Variants in STK4 observed in about 807,000 individuals in gnomAD.
STK4 encodes the protein serine/threonine-protein kinase 4.
Under a neutral mutation model 64.9 loss-of-function variants are expected in STK4, and 30 were observed. The ratio of observed to expected loss-of-function variants is 0.46; its 90% CI spans 0.35 to 0.63. The LOEUF is 0.63. STK4 is among the 20% of genes least tolerant of loss of function. The pLI, the probability that STK4 is intolerant of heterozygous loss-of-function variation, is 0.01. For missense variants in STK4, 466 were observed against 598.5 expected, an observed-to-expected ratio of 0.78 and a Z score of 2.31; for synonymous variants, 177 against 199.0, an observed-to-expected ratio of 0.89 and a Z score of 0.93.
intron 6 of STK4, among the ~76,000 whole-genome samples, chr20:44,995,898 A>G (rs2067721878): frequency 6.6e-6 from 1 of 152,150 alleles, no homozygotes; most frequent in African/African-American, 2.4e-5. Context: ...ACATTTTAAC[A>G]TGTCAACATT....
rs1206600186 is a variant in STK4 at position 45,000,424 on chromosome 20, A to C, written c.864A>C (p.Ser288=). Residue 288 remains serine (S), a synonymous_variant, in exon 8 of 11, where the codon TCA becomes TCC. Transcript: ENST00000372806. The part of the protein sequence containing the change: ...HPFVRSAKGV[S]ILRDLINEAM... ...TTGTCAGGAGTGCCAAAGGAGTGTCAATACTGCGAGACTTAATTAATGAAG... is the reference window on the plus strand; with the variant it reads ...TTGTCAGGAGTGCCAAAGGAGTGTCCATACTGCGAGACTTAATTAATGAAG... 1.2e-6 allele frequency: 2 copies of C among 1,614,084 alleles called. No individual in the cohort carries two copies. Among genetic ancestry groups the C allele is most frequent in the East Asian group, 2.2e-5 (1 of 44,880 alleles).
At chr20:44,977,701 C>T (rs1284274251) in intron 2 of STK4, among the ~76,000 whole-genome samples, 2 of 152,032 alleles carry the variant, frequency 1.3e-5, no homozygotes, top group Non-Finnish European at 2.9e-5. Context: ...GATCTGTAGC[C>T]TCCAAATTGA....
rs187834252 is a variant in STK4, at chr20:44,980,603, A to G, written c.246-1226A>G. On this transcript the variant is annotated intron_variant, in intron 3 of 10. Transcript: ENST00000372806. ...TGTATGTTTTTATTACAAAGTACAT[A>G]TGACTTCTTAGAAAAATTCAAATGA... Among the ~76,000 whole-genome samples the G allele has an allele frequency of 2.6e-5, 4 of 152,366 alleles. No homozygotes were observed. In the East Asian group the frequency reaches 7.7e-4, roughly 29 times the overall value.
chr20:45,048,916 A>G (rs1426006483), intron 10 of STK4, among the ~76,000 whole-genome samples: 1 of 151,572 alleles, frequency 6.6e-6, no homozygotes, highest in African/African-American at 2.4e-5. Context: ...ACACTGATAG[A>G]CCTTTTGTGT....
At chr20:45,021,795 G>C (rs932315675) in intron 9 of STK4, among the ~76,000 whole-genome samples, 3 of 152,194 alleles carry the variant, frequency 2.0e-5, no homozygotes, top group Non-Finnish European at 4.4e-5. Context: ...GCATGTTTTA[G>C]ATGAGAGGCA....
At chr20:44,974,213 A>G (rs2067300203) in intron 2 of STK4, 1 of 151,782 alleles carries the variant, frequency 6.6e-6, no homozygotes, top group South Asian at 2.1e-4. Context: ...CTGCACCTGG[A>G]CAAATTGCGT....
Position 45,022,824 on chromosome 20 carries a change from G to A in STK4, c.1148-2149G>A, listed in dbSNP as rs902419620. Among the ~76,000 whole-genome samples the A allele has an allele frequency of 3.3e-5, 5 of 152,186 alleles. 1 individual carries two copies. The highest frequency in any genetic ancestry group is 1.9e-4 in the East Asian group (1 of 5,186). On this transcript the variant is annotated intron_variant, in intron 9 of 10. Transcript: ENST00000372806. The stretch of plus-strand genomic sequence containing the variant: ...TACCTGTTATTTCTGTCCAGAAGTC[G>A]CCATTTTTATTGATGAACTCAATTT...
At chr20:44,979,341 TA>T (rs987399721) in intron 3 of STK4, among the ~76,000 whole-genome samples, 14 of 152,044 alleles carry the variant, frequency 9.2e-5, no homozygotes, top group Non-Finnish European at 1.8e-4. Flanking sequence ...TCCTTCACAT[TA>T]AAAAAAATTA....
At chr20:44,996,332 C>G (rs553286385) in intron 6 of STK4, among the ~76,000 whole-genome samples, 3 of 149,274 alleles carry the variant, frequency 2.0e-5, no homozygotes, top group Admixed American at 6.6e-5. Flanking sequence ...TTGTAATACA[C>G]CCCCCCGCCA....
chr20:45,052,211 C>G (rs993119016), intron 10 of STK4, among the ~76,000 whole-genome samples: 2 of 152,064 alleles, frequency 1.3e-5, no homozygotes, highest in African/African-American at 4.8e-5. Flanking sequence ...TAAAAACACA[C>G]TCATTATAGA....
intron 4 of STK4, among the ~76,000 whole-genome samples, chr20:44,984,186 GT>G (rs11397664): frequency 1.4e-3 from 104 of 76,064 alleles, no homozygotes; most frequent in African/African-American, 5.0e-3. Context: ...TGTTGTCGTT[GT>G]TTTTTTTTTT....
chr20:45,012,266 C>G (rs146029199), intron 9 of STK4, among the ~76,000 whole-genome samples: 62 of 152,212 alleles, frequency 4.1e-4, no homozygotes, highest in Non-Finnish European at 8.8e-5. Context: ...GATCTCCTGA[C>G]CTCGTGATCC....
At chr20:45,053,114 A>G (rs759560692) in intron 10 of STK4, 1 of 1,612,768 alleles carries the variant, frequency 6.2e-7, no homozygotes, top group Non-Finnish European at 8.5e-7. Context: ...CAGTCTGGAA[A>G]AGACATATGT....
At position 44,997,162 on chromosome 20, in the gene STK4, T is replaced by C; in HGVS notation, c.694-7T>C. ...GATCTTTTTGTTTGTTTGTTTGTTC[T>C]AACCAGGCAATCTTCATGATTCCTA... On this transcript the variant is annotated splice_polypyrimidine_tract_variant and splice_region_variant and intron_variant, in intron 6 of 10. Transcript: ENST00000372806. The C allele has an allele frequency of 6.2e-7, 1 of 1,613,604 alleles. No homozygotes were observed. The highest frequency in any genetic ancestry group is 1.1e-5 in the South Asian group (1 of 91,066).
At chr20:45,061,906 TGCTCTG>T (rs1260588640) in intron 10 of STK4, among the ~76,000 whole-genome samples, 2 of 147,712 alleles carry the variant, frequency 1.4e-5, no homozygotes, top group Non-Finnish European at 3.0e-5. Context: ...GATGGAGTCT[TGCTCTG>T]TCTGTCGCCC....
chr20:45,065,343 C>T (rs114027632), intron 10 of STK4, among the ~76,000 whole-genome samples: 3,820 of 152,048 alleles, frequency 0.025, 139 homozygotes, highest in African/African-American at 0.082. Flanking sequence ...CCGCTGGATT[C>T]GATTTGCTAG....
chr20:45,052,705 C>T lies in STK4; in HGVS notation c.1306-22313C>T, dbSNP rs1322893810. Among the ~76,000 whole-genome samples, 10 of 152,290 alleles carry T rather than the reference C, an allele frequency of 6.6e-5. No homozygotes were observed. The East Asian group carries it at 7.7e-4, about 12-fold the overall frequency. On this transcript the variant is annotated intron_variant, in intron 10 of 10. Coordinates refer to ENST00000372806, the MANE Select transcript of STK4 (RefSeq NM_006282.5). Reference sequence around the variant, plus strand: ...CTGGGGTTTTAACCATCAGCACCTGCGCTCTCAGACTCTTGCCACCACCTT... The same window carrying T: ...CTGGGGTTTTAACCATCAGCACCTGTGCTCTCAGACTCTTGCCACCACCTT...
chr20:45,058,568 A>G (rs1978700248), intron 10 of STK4, among the ~76,000 whole-genome samples: 1 of 152,172 alleles, frequency 6.6e-6, no homozygotes, highest in South Asian at 2.1e-4. Context: ...TTTGCATTTT[A>G]GCTTTCAAAT....
chr20:44,985,408 A>G (rs1039655769), intron 4 of STK4, among the ~76,000 whole-genome samples: 5 of 152,142 alleles, frequency 3.3e-5, no homozygotes, highest in Admixed American at 6.5e-5. Context: ...AGTGCACACA[A>G]TCTCAGCTCA....
Sources: allele counts gnomAD v4.1 joint callset (sites outside exome capture counted in the v4.1 genomes callset), GRCh38; gene constraint gnomAD v4.1.1; transcripts MANE v1.5; gene names NCBI Gene and HGNC (gene_info 2026-07-23, HGNC 2026-07-21).